MRTFA: variants seen among roughly 807,000 people sequenced by gnomAD.
The protein encoded by MRTFA is myocardin-related transcription factor A.
A neutral mutation model predicts 83.5 loss-of-function variants in MRTFA; 20 were observed. The ratio of observed to expected loss-of-function variants is 0.24; its 90% CI spans 0.17 to 0.35. The LOEUF (loss-of-function observed/expected upper bound fraction) is 0.35. Ranked by LOEUF, MRTFA falls within the 10% of genes least tolerant of loss-of-function variation. The probability of loss-of-function intolerance (pLI) is 1.00; values close to 1 mark genes in which losing one functional copy is unlikely to be tolerated. For missense variants in MRTFA, 1,200 were observed against 1,224.7 expected, an observed-to-expected ratio of 0.98 and a Z score of 0.30; for synonymous variants, 659 against 541.2, an observed-to-expected ratio of 1.22 and a Z score of -3.02.
At chr22:40,624,425 C>CAAA (rs35882157) in intron 1 of MRTFA, among the ~76,000 whole-genome samples, 5 of 62,742 alleles carry the variant, frequency 8.0e-5, no homozygotes, top group African/African-American at 2.1e-4. Flanking sequence ...GACTCCAACT[C>CAAA]AAAAAAAAAA....
chr22:40,601,653 T>C (rs1289767608), intron 1 of MRTFA, among the ~76,000 whole-genome samples: 1 of 152,192 alleles, frequency 6.6e-6, no homozygotes, highest in Non-Finnish European at 1.5e-5. Flanking sequence ...AAAATACTCA[T>C]CGTTTGATAC....
At chr22:40,529,637 GT>G (rs1307074163) in intron 3 of MRTFA, among the ~76,000 whole-genome samples, 2 of 152,180 alleles carry the variant, frequency 1.3e-5, no homozygotes, top group African/African-American at 2.4e-5. Flanking sequence ...TAACATGTAT[GT>G]GGTATAAAAC....
intron 1 of MRTFA, among the ~76,000 whole-genome samples, chr22:40,616,200 C>T (rs2147423009): frequency 6.6e-6 from 1 of 152,274 alleles, no homozygotes; most frequent in South Asian, 2.1e-4. Context: ...CAACAATATA[C>T]TAGAACTAAC....
chr22:40,534,963 AG>A (rs1252944871), intron 3 of MRTFA, among the ~76,000 whole-genome samples: 1 of 152,248 alleles, frequency 6.6e-6, no homozygotes, highest in Non-Finnish European at 1.5e-5. Context: ...TTATTAGTAA[AG>A]AGAAGCAATG....
At position 40,443,022 on chromosome 22, in the gene MRTFA, G is replaced by A. The variant is rs376332030; in HGVS notation, c.308-7468C>T. ...CCCAGCACTTTGGGAGGCCGAGGTC[G>A]GGGGGGATCACTTGAGGTCAGGAGT... On this transcript the variant is annotated intron_variant, in intron 4 of 14. Transcript: ENST00000355630. Among the ~76,000 whole-genome samples, 14 of 151,914 alleles carry A rather than the reference G, an allele frequency of 9.2e-5. No individual in the cohort carries two copies. The East Asian group carries it at 1.9e-3, about 21-fold the overall frequency.
At chr22:40,476,668 G>A (rs2054001884) in intron 3 of MRTFA, among the ~76,000 whole-genome samples, 1 of 152,080 alleles carries the variant, frequency 6.6e-6, no homozygotes, top group South Asian at 2.1e-4. Context: ...GCCCAGGCTA[G>A]TCTTGAACTC....
At chr22:40,624,425 CAAAAAAAA>C (rs35882157) in intron 1 of MRTFA, among the ~76,000 whole-genome samples, 1 of 62,758 alleles carries the variant, frequency 1.6e-5, no homozygotes, top group Non-Finnish European at 3.6e-5. Flanking sequence ...GACTCCAACT[CAAAAAAAA>C]AAAAAAAAAA....
At chr22:40,533,874 C>G (rs2147280158) in intron 3 of MRTFA, 1 of 355,672 alleles carries the variant, frequency 2.8e-6, no homozygotes, top group African/African-American at 2.1e-5. Context: ...TTAAGACATA[C>G]TAAGTGTGGT....
intron 2 of MRTFA, among the ~76,000 whole-genome samples, chr22:40,592,409 C>A (rs2056134505): frequency 6.6e-6 from 1 of 150,456 alleles, no homozygotes; most frequent in Admixed American, 6.6e-5. Flanking sequence ...AAATGTTCCA[C>A]ACTGCACTCC....
intron 4 of MRTFA, among the ~76,000 whole-genome samples, chr22:40,445,762 C>G (rs1255740266): frequency 6.6e-6 from 1 of 152,182 alleles, no homozygotes; most frequent in Non-Finnish European, 1.5e-5. Context: ...GTTGGTCAGG[C>G]TGGTCTTGAA....
rs543737682 is a variant in MRTFA at position 40,431,542 on chromosome 22, G to T, written c.364-62C>A. 1.4e-4 allele frequency: 215 copies of T among 1,485,220 alleles called. 2 individuals carry two copies. In the South Asian group the frequency reaches 2.2e-3, roughly 16 times the overall value. 92.0% of individuals were successfully genotyped at this position (1,485,220 alleles called of 1,614,324 possible). ...GGTCACAGGCTTATGGCATGGACAG[G>T]ATCACAACAGCAGCCTTGGCCATGG... is the stretch of plus-strand genomic sequence containing the variant. On this transcript the variant is annotated intron_variant, in intron 5 of 14. Coordinates refer to ENST00000355630, the MANE Select transcript of MRTFA (RefSeq NM_020831.6).
chr22:40,413,616 G>A (rs2052610951), intron 14 of MRTFA, among the ~76,000 whole-genome samples: 1 of 151,390 alleles, frequency 6.6e-6, no homozygotes, highest in Non-Finnish European at 1.5e-5. Flanking sequence ...TAAATTTTTT[G>A]TATTTTTTAG....
chr22:40,420,961 T>C lies in MRTFA; in HGVS notation c.1067A>G (p.Asp356Gly). The C allele has an allele frequency of 6.2e-7, 1 of 1,613,424 alleles. No homozygotes were observed. Among genetic ancestry groups the C allele is most frequent in the African/African-American group, 1.3e-5 (1 of 75,038 alleles). Residue 356 changes from aspartate (D) to glycine (G), a missense_variant, in exon 10 of 15, where the codon GAC becomes GGC. By Grantham distance (94) the Asp-to-Gly change is moderately conservative. This residue lies in a region of MRTFA where 1,107 missense variants were observed against 1,041.8 expected (regional missense o/e 1.06). Transcript: ENST00000355630. ...CTGCAGGATCTTGGCGTAGGATGAG[T>C]CCATGGGGGGTGCCCCCCTGTCCTG...
intron 4 of MRTFA, among the ~76,000 whole-genome samples, chr22:40,445,435 T>C (rs944072983): frequency 2.6e-5 from 4 of 152,244 alleles, no homozygotes; most frequent in Non-Finnish European, 5.9e-5. Context: ...AAAAAATTAA[T>C]TCAATATAAC....
intron 3 of MRTFA, among the ~76,000 whole-genome samples, chr22:40,471,219 TAAAAA>T (rs61206773): frequency 2.6e-4 from 11 of 42,668 alleles, no homozygotes; most frequent in African/African-American, 9.3e-4. Flanking sequence ...CTGTTTCTAT[TAAAAA>T]AAAAAAAAAA....
intron 9 of MRTFA, 56 bp downstream of exon 9, chr22:40,423,480 G>C: frequency 7.2e-7 from 1 of 1,381,740 alleles, no homozygotes; most frequent in Non-Finnish European, 9.5e-7. Context: ...TGAAGTCACA[G>C]CAGGACTCCA....
intron 2 of MRTFA, 80 bp from the exon 3 acceptor site, chr22:40,552,447 CTTGAA>C (rs2055456524): frequency 2.5e-6 from 1 of 394,618 alleles, no homozygotes; most frequent in Admixed American, 4.4e-5. Flanking sequence ...CAAATCTCAT[CTTGAA>C]TTGTAGTTCC....
chr22:40,446,288 A>G (rs1392071826), intron 4 of MRTFA, among the ~76,000 whole-genome samples: 1 of 152,226 alleles, frequency 6.6e-6, no homozygotes, highest in African/African-American at 2.4e-5. Context: ...TTTTTCAATA[A>G]AATTGCAAAA....
chr22:40,519,704 T>TG, intron 3 of MRTFA: 3 of 922,452 alleles, frequency 3.3e-6, no homozygotes, highest in Non-Finnish European at 4.4e-6. Flanking sequence ...CACTCATGGG[T>TG]TCTGAAAAGC....
Sources: allele counts gnomAD v4.1 joint callset (sites outside exome capture counted in the v4.1 genomes callset), GRCh38; gene constraint gnomAD v4.1.1; regional missense constraint gnomAD v4.1.1; transcripts MANE v1.5; gene names NCBI Gene and HGNC (gene_info 2026-07-23, HGNC 2026-07-21).